Variants in TLK1 observed in about 807,000 individuals in gnomAD.
TLK1 encodes tousled like kinase 1.
A neutral mutation model predicts 105.3 loss-of-function variants in TLK1; 24 were observed. That is an observed-to-expected ratio of 0.23 (90% CI 0.17 to 0.32). TLK1 has a LOEUF of 0.32. TLK1 is among the 10% of genes least tolerant of loss of function. TLK1 has a pLI of 1.00. For missense variants in TLK1, 558 were observed against 910.5 expected, an observed-to-expected ratio of 0.61 and a Z score of 4.98; for synonymous variants, 321 against 310.4, an observed-to-expected ratio of 1.03 and a Z score of -0.36.
intron 11 of TLK1, among the ~76,000 whole-genome samples, chr2:171,034,334 A>C (rs1028863959): frequency 5.3e-5 from 8 of 152,188 alleles, no homozygotes; most frequent in Admixed American, 3.9e-4. Context: ...CAAAGGGTGG[A>C]AACAACCTAA....
intron 2 of TLK1, 63 bp downstream of exon 2, chr2:171,117,676 A>G (rs1690491530): frequency 2.3e-6 from 3 of 1,300,518 alleles, no homozygotes; most frequent in East Asian, 2.3e-5. Context: ...AATCCTTTAC[A>G]TACTATTTTA....
chr2:171,202,594 T>C (rs908149694), intron 1 of TLK1, among the ~76,000 whole-genome samples: 4 of 151,720 alleles, frequency 2.6e-5, no homozygotes, highest in Admixed American at 1.3e-4. Flanking sequence ...CTGTGTCTAC[T>C]AAAAATACAA....
At chr2:171,050,976 T>C (rs1209695209) in intron 8 of TLK1, among the ~76,000 whole-genome samples, 1 of 152,192 alleles carries the variant, frequency 6.6e-6, no homozygotes, top group Non-Finnish European at 1.5e-5. Context: ...AGGCCAACCA[T>C]GGTGGAATCC....
chr2:171,041,749 A>G (rs539629995), intron 11 of TLK1, among the ~76,000 whole-genome samples: 2 of 152,322 alleles, frequency 1.3e-5, no homozygotes, highest in Admixed American at 6.5e-5. Context: ...GTTGGGGACT[A>G]CTGTACTACA....
chr2:171,124,192 C>G (rs972757547), intron 1 of TLK1, among the ~76,000 whole-genome samples: 1 of 152,228 alleles, frequency 6.6e-6, no homozygotes, highest in East Asian at 1.9e-4. Context: ...GAATGACAAT[C>G]TAACTTCTTT....
intron 14 of TLK1, among the ~76,000 whole-genome samples, chr2:171,009,810 T>G (rs1684820545): frequency 6.6e-6 from 1 of 152,222 alleles, no homozygotes; most frequent in African/African-American, 2.4e-5. Context: ...TAAACCTAGC[T>G]GTCTGGCTTC....
rs1266350407 is a variant in TLK1 at position 171,115,399 on chromosome 2, C to T, written c.258+2340G>A. Among the ~76,000 whole-genome samples the T allele has an allele frequency of 2.0e-5, 3 of 151,990 alleles. No homozygotes were observed. The South Asian group carries it at 6.2e-4, about 32-fold the overall frequency. On this transcript the variant is annotated intron_variant, in intron 2 of 20. Coordinates refer to ENST00000431350, the MANE Select transcript of TLK1 (RefSeq NM_012290.5). ...CCATGTTGAGGCTGGTCTTGAACTC[C>T]TGACCTCAGGTGACCCGCCCACCTC...
intron 3 of TLK1, among the ~76,000 whole-genome samples, chr2:171,075,324 G>A (rs1011186257): frequency 9.9e-5 from 15 of 152,024 alleles, no homozygotes; most frequent in Non-Finnish European, 1.9e-4. Flanking sequence ...TTAATAACTC[G>A]AAAATCCCAA....
intron 2 of TLK1, among the ~76,000 whole-genome samples, chr2:171,113,742 T>A (rs1690286137): frequency 6.6e-6 from 1 of 152,106 alleles, no homozygotes; most frequent in South Asian, 2.1e-4. Context: ...CTACCAATAT[T>A]ATATAAAAGA....
In TLK1 at chr2:171,186,879, G is replaced by C. The variant is rs375199147; in HGVS notation, c.-6+44266C>G. ...TTGAGGCCAGCCTGGCCAACATGGTGAAACCCCATCTCTACTAAAAATACA... is the reference window on the plus strand; with the variant it reads ...TTGAGGCCAGCCTGGCCAACATGGTCAAACCCCATCTCTACTAAAAATACA... On this transcript the variant is annotated intron_variant, in intron 1 of 20. Transcript: ENST00000521943. 4.9e-3 allele frequency among the ~76,000 whole-genome samples: 738 copies of C among 151,912 alleles called. 5 individuals are homozygous for C. The highest frequency in any genetic ancestry group is 0.017 in the African/African-American group (687 of 41,444).
chr2:171,172,112 A>G (rs536862050), intron 1 of TLK1, among the ~76,000 whole-genome samples: 1 of 152,368 alleles, frequency 6.6e-6, no homozygotes, highest in Non-Finnish European at 1.5e-5. Context: ...ACTAAACACA[A>G]TGATGTAGAT....
chr2:171,192,138 C>A (rs1319337935), intron 1 of TLK1, among the ~76,000 whole-genome samples: 1 of 152,166 alleles, frequency 6.6e-6, no homozygotes, highest in Non-Finnish European at 1.5e-5. Flanking sequence ...AGGTGATCCT[C>A]CTACCTCAGC....
At position 171,121,811 on chromosome 2, in the gene TLK1, T is replaced by C. The variant is rs151092095; in HGVS notation, c.140-3954A>G. Among the ~76,000 whole-genome samples the C allele has an allele frequency of 2.6e-3, 393 of 152,312 alleles. 4 individuals are homozygous for C. Among genetic ancestry groups the C allele is most frequent in the African/African-American group, 8.5e-3 (353 of 41,564 alleles). Reference sequence around the variant, plus strand: ...TTTGTTTCCTATTGTTTTTCCCAGATATATAGCTTCCTCTAGGACCTCAAC... The same window carrying C: ...TTTGTTTCCTATTGTTTTTCCCAGACATATAGCTTCCTCTAGGACCTCAAC... On this transcript the variant is annotated intron_variant, in intron 1 of 20. Transcript: ENST00000431350.
intron 18 of TLK1, among the ~76,000 whole-genome samples, chr2:170,999,752 T>C (rs571823282): frequency 6.6e-6 from 1 of 152,232 alleles, no homozygotes. Context: ...AGAATCCATG[T>C]ATGATTTTTA....
At chr2:171,193,700 A>ATTTTTTTTT (rs35175399) in intron 1 of TLK1, among the ~76,000 whole-genome samples, 3 of 64,632 alleles carry the variant, frequency 4.6e-5, no homozygotes, top group African/African-American at 2.0e-4. Context: ...AGCGCCTGGC[A>ATTTTTTTTT]TTTTTTTTTT....
chr2:171,218,161 G>A (rs1421143042), intron 1 of TLK1, among the ~76,000 whole-genome samples: 1 of 152,200 alleles, frequency 6.6e-6, no homozygotes, highest in African/African-American at 2.4e-5. Flanking sequence ...GGTTGAGGCA[G>A]GAGAATTGCT....
intron 1 of TLK1, among the ~76,000 whole-genome samples, chr2:171,147,202 C>A (rs540822695): frequency 6.6e-6 from 1 of 152,308 alleles, no homozygotes; most frequent in African/African-American, 2.4e-5. Context: ...TTCCTCATTA[C>A]TAGGCTTCAG....
intron 1 of TLK1, among the ~76,000 whole-genome samples, chr2:171,220,316 A>T (rs1436035766): frequency 1.3e-5 from 2 of 152,184 alleles, no homozygotes; most frequent in Non-Finnish European, 2.9e-5. Context: ...CTTCAAGATG[A>T]GCCCTGGTGA....
intron 1 of TLK1, among the ~76,000 whole-genome samples, chr2:171,181,853 C>A (rs1692933741): frequency 7.2e-6 from 1 of 138,258 alleles, no homozygotes; most frequent in Non-Finnish European, 1.5e-5. Flanking sequence ...TACGGCAGTC[C>A]TTCTCTCTCT....
Sources: gnomAD v4.1 joint callset for allele counts (sites outside exome capture counted in the v4.1 genomes callset) on GRCh38, gnomAD v4.1.1 for gene constraint, MANE v1.5 for transcripts, NCBI Gene and HGNC (gene_info 2026-07-23, HGNC 2026-07-21) for gene names.